CDKL4: variants seen among roughly 807,000 people sequenced by gnomAD.
The protein encoded by CDKL4 is cyclin-dependent kinase-like 4.
Under a neutral mutation model 42.0 loss-of-function variants are expected in CDKL4, and 44 were observed. That is an observed-to-expected ratio of 1.05 (90% confidence interval 0.82 to 1.35). CDKL4 has a LOEUF of 1.35. CDKL4 is among the 40% of genes most tolerant of loss of function. The pLI, the probability that CDKL4 is intolerant of heterozygous loss-of-function variation, is 0.00. For missense variants in CDKL4, 393 were observed against 369.9 expected (o/e 1.06, Z -0.51); for synonymous variants, 120 against 121.6 (o/e 0.99, Z 0.09).
intron 3 of CDKL4, among the ~76,000 whole-genome samples, chr2:39,215,559 A>G (rs1677867313): frequency 6.6e-6 from 1 of 152,220 alleles, no homozygotes; most frequent in Admixed American, 6.5e-5. Flanking sequence ...AATACCCCAA[A>G]CATATCCATC....
chr2:39,186,135 C>T (rs529627268), intron 7 of CDKL4, among the ~76,000 whole-genome samples: 2 of 152,180 alleles, frequency 1.3e-5, no homozygotes, highest in East Asian at 1.9e-4. Flanking sequence ...TTTAAACACA[C>T]GTTATATAAA....
intron 6 of CDKL4, among the ~76,000 whole-genome samples, chr2:39,189,679 T>C (rs988857548): frequency 6.6e-6 from 1 of 152,234 alleles, no homozygotes; most frequent in Non-Finnish European, 1.5e-5. Flanking sequence ...AGCAGATTTT[T>C]AAAAGTCAAA....
intron 5 of CDKL4, among the ~76,000 whole-genome samples, chr2:39,197,352 G>A (rs1407302440): frequency 6.6e-6 from 1 of 151,498 alleles, no homozygotes; most frequent in Non-Finnish European, 1.5e-5. Flanking sequence ...TGAAACCTAA[G>A]AATAATTGGT....
intron 4 of CDKL4, among the ~76,000 whole-genome samples, chr2:39,205,800 G>A (rs1227385471): frequency 6.6e-6 from 1 of 150,822 alleles, no homozygotes; most frequent in African/African-American, 2.4e-5. Flanking sequence ...AAAGAAAGAG[G>A]GGCCTATTAA....
intron 4 of CDKL4, among the ~76,000 whole-genome samples, chr2:39,209,417 T>C (rs1677443900): frequency 3.9e-5 from 6 of 152,180 alleles, no homozygotes; most frequent in Admixed American, 3.9e-4. Flanking sequence ...ATTATGGCGT[T>C]AAATGGACCA....
At chr2:39,201,157 T>TG (rs1376640613) in intron 5 of CDKL4, among the ~76,000 whole-genome samples, 2 of 151,796 alleles carry the variant, frequency 1.3e-5, no homozygotes, top group African/African-American at 2.4e-5. Context: ...GCTAAGGACA[T>TG]GAATAGACAT....
At chr2:39,209,630 C>A (rs1677458517) in intron 4 of CDKL4, among the ~76,000 whole-genome samples, 1 of 152,130 alleles carries the variant, frequency 6.6e-6, no homozygotes, top group African/African-American at 2.4e-5. Context: ...CTCTATGAAC[C>A]ATAGTTGGAG....
intron 5 of CDKL4, among the ~76,000 whole-genome samples, chr2:39,191,961 G>A (rs918204896): frequency 6.6e-6 from 1 of 152,204 alleles, no homozygotes; most frequent in African/African-American, 2.4e-5. Context: ...GCCACAAAAG[G>A]CAGCTCAGAA....
intron 9 of CDKL4, among the ~76,000 whole-genome samples, chr2:39,177,314 G>T (rs1356416949): frequency 6.6e-6 from 1 of 152,152 alleles, no homozygotes; most frequent in African/African-American, 2.4e-5. Context: ...CAGATTCCCA[G>T]GTAGACAGTG....
At chr2:39,170,423 C>T in the CDKL4 span, among the ~76,000 whole-genome samples, 1 of 151,844 alleles carries the variant, frequency 6.6e-6, no homozygotes, top group Non-Finnish European at 1.5e-5. Context: ...ATGAAGCTAA[C>T]ACTGACTCCC....
intron 1 of CDKL4, among the ~76,000 whole-genome samples, chr2:39,242,975 C>G (rs916854367): frequency 1.3e-5 from 2 of 151,738 alleles, no homozygotes; most frequent in Non-Finnish European, 2.9e-5. Flanking sequence ...TGTCCTGCCT[C>G]TGTAGTCCCA....
At chr2:39,172,817 G>A (rs985663913), downstream of CDKL4, among the ~76,000 whole-genome samples, 1 of 152,080 alleles carries the variant, frequency 6.6e-6, no homozygotes, top group Non-Finnish European at 1.5e-5. Context: ...CCTGACCTCA[G>A]GTGATCCGCC....
At chr2:39,230,285 A>AC (rs112560294) in intron 1 of CDKL4, among the ~76,000 whole-genome samples, 59 of 152,336 alleles carry the variant, frequency 3.9e-4, no homozygotes, top group African/African-American at 1.4e-3. Flanking sequence ...AGGCCCTTGA[A>AC]CCCAGCTGAG....
At chr2:39,189,645 C>G (rs1676054806) in intron 6 of CDKL4, among the ~76,000 whole-genome samples, 1 of 152,066 alleles carries the variant, frequency 6.6e-6, no homozygotes, top group African/African-American at 2.4e-5. Flanking sequence ...AGCTTGTGAC[C>G]TCAGAATTGG....
chr2:39,181,318 T>C (rs963832451), intron 8 of CDKL4, among the ~76,000 whole-genome samples: 1 of 152,220 alleles, frequency 6.6e-6, no homozygotes, highest in East Asian at 1.9e-4. Flanking sequence ...TTGGATAAAA[T>C]TCCTCAAGGC....
chr2:39,198,826 C>A (rs1271953258), intron 5 of CDKL4, among the ~76,000 whole-genome samples: 6 of 152,030 alleles, frequency 3.9e-5, no homozygotes, highest in Non-Finnish European at 7.4e-5. Flanking sequence ...CTCTGGGATA[C>A]AGCAAAGGCA....
At chr2:39,171,394 T>C (rs2148270927), downstream of CDKL4, among the ~76,000 whole-genome samples, 1 of 152,338 alleles carries the variant, frequency 6.6e-6, no homozygotes, top group East Asian at 1.9e-4. Flanking sequence ...TTTTACCCTT[T>C]ACTCAATCAT....
At chr2:39,204,400 G>T in intron 5 of CDKL4, 127 bp downstream of exon 5, 1 of 669,850 alleles carries the variant, frequency 1.5e-6, no homozygotes, top group Non-Finnish European at 2.6e-6. Context: ...AGGCTAAAGT[G>T]AGATTTTCCT....
upstream of CDKL4, among the ~76,000 whole-genome samples, chr2:39,246,407 T>C (rs4488638): frequency 0.7 from 106,626 of 152,140 alleles, 41,106 homozygotes; most frequent in Non-Finnish European, 0.85. Flanking sequence ...TATCACCTTA[T>C]GTACAAATCC....
Sources: gnomAD v4.1 joint callset for allele counts (sites outside exome capture counted in the v4.1 genomes callset) on GRCh38, gnomAD v4.1.1 for gene constraint, MANE v1.5 for transcripts, NCBI Gene and HGNC (gene_info 2026-07-23, HGNC 2026-07-21) for gene names.